The following SLC9A9 variants were observed in gnomAD, a reference collection of about 807,000 sequenced individuals.
SLC9A9 encodes the protein sodium/hydrogen exchanger 9.
A neutral mutation model predicts 77.8 loss-of-function variants in SLC9A9; 62 were observed. The observed-to-expected ratio is 0.80, with a 90% confidence interval of 0.65 to 0.98. The LOEUF is 0.98. SLC9A9 is among the 50% of genes least tolerant of loss of function. The pLI is 0.00. For missense variants in SLC9A9, 775 were observed against 774.9 expected, an observed-to-expected ratio of 1.00 and a Z score of 0.00; for synonymous variants, 320 against 283.5, an observed-to-expected ratio of 1.13 and a Z score of -1.29.
chr3:143,459,875 A>G (rs556801694), intron 12 of SLC9A9, among the ~76,000 whole-genome samples: 22 of 152,282 alleles, frequency 1.4e-4, no homozygotes, highest in Admixed American at 5.2e-4. Context: ...AAAAAAAAAT[A>G]CAATGGGAAT....
intron 5 of SLC9A9, among the ~76,000 whole-genome samples, chr3:143,668,179 T>C (rs532326817): frequency 3.3e-5 from 5 of 151,894 alleles, no homozygotes; most frequent in Admixed American, 2.6e-4. Context: ...ATGTCCTTTG[T>C]AGGGACATGG....
In SLC9A9 at chr3:143,718,133, T is replaced by A. The variant is rs566317247; in HGVS notation, c.534-24826A>T. Among the ~76,000 whole-genome samples the A allele has an allele frequency of 1.2e-3, 176 of 150,968 alleles. 1 individual carries two copies. The highest frequency in any genetic ancestry group is 3.5e-3 in the Middle Eastern group (1 of 288). ...AGTGCATCCCACCTAAGCCATTTCA[T>A]ACGAATTGGCACATTTATCAGTCTC... On this transcript the variant is annotated intron_variant, in intron 4 of 15. Coordinates refer to ENST00000316549, the MANE Select transcript of SLC9A9 (RefSeq NM_173653.4).
chr3:143,454,524 A>AT (rs1455651341), intron 12 of SLC9A9, among the ~76,000 whole-genome samples: 13 of 152,078 alleles, frequency 8.5e-5, no homozygotes, highest in Non-Finnish European at 1.6e-4. Flanking sequence ...GTCAAGGTTC[A>AT]TTTTTTGGCC....
At chr3:143,399,502 G>A (rs1288824252) in intron 12 of SLC9A9, among the ~76,000 whole-genome samples, 2 of 152,076 alleles carry the variant, frequency 1.3e-5, no homozygotes, top group Non-Finnish European at 2.9e-5. Flanking sequence ...AAAGAAAATT[G>A]GCAACAATAC....
At chr3:143,559,501 T>C (rs2037045275) in intron 8 of SLC9A9, among the ~76,000 whole-genome samples, 1 of 152,210 alleles carries the variant, frequency 6.6e-6, no homozygotes, top group Admixed American at 6.5e-5. Context: ...TGAAGGCCTG[T>C]CATTTTCCTA....
chr3:143,549,917 TA>T lies in SLC9A9; in HGVS notation c.1089+2444del, dbSNP rs1227587827. ...AGGGAAAGCTAGTAGTATTCAAAAT[TA>T]AAAGGATTCTGAAAGACTATATGTT... On this transcript the variant is annotated intron_variant, in intron 9 of 15. Transcript: ENST00000316549. Among the ~76,000 whole-genome samples the T allele has an allele frequency of 1.6e-4, 24 of 152,314 alleles. No individual in the cohort carries two copies. In the East Asian group the frequency reaches 4.6e-3, roughly 29 times the overall value.
intron 14 of SLC9A9, among the ~76,000 whole-genome samples, chr3:143,301,428 G>A (rs1006185158): frequency 9.2e-5 from 14 of 152,216 alleles, no homozygotes. Flanking sequence ...GCTGTGGCAT[G>A]AAGATTGGCC....
At chr3:143,648,028 T>C (rs188969644) in intron 6 of SLC9A9, among the ~76,000 whole-genome samples, 2 of 152,200 alleles carry the variant, frequency 1.3e-5, no homozygotes, top group African/African-American at 2.4e-5. Flanking sequence ...GAGATCTCTG[T>C]AAGTAGAATG....
chr3:143,281,663 T>C (rs1938224599), intron 14 of SLC9A9, among the ~76,000 whole-genome samples: 1 of 152,234 alleles, frequency 6.6e-6, no homozygotes, highest in African/African-American at 2.4e-5. Flanking sequence ...AACTGAGTGG[T>C]GGACTTTAGA....
At chr3:143,439,367 C>A (rs899390093) in intron 12 of SLC9A9, among the ~76,000 whole-genome samples, 1 of 152,206 alleles carries the variant, frequency 6.6e-6, no homozygotes, top group Admixed American at 6.5e-5. Context: ...TAGCCTTGAG[C>A]CCATGCTGCC....
rs901961139 is a variant in SLC9A9 at position 143,547,507 on chromosome 3, T to C, written c.1089+4855A>G. 1.2e-4 allele frequency among the ~76,000 whole-genome samples: 18 copies of C among 152,318 alleles called. No homozygotes were observed. The East Asian group carries it at 3.5e-3, about 29-fold the overall frequency. On this transcript the variant is annotated intron_variant, in intron 9 of 15. Coordinates refer to ENST00000316549, the MANE Select transcript of SLC9A9 (RefSeq NM_173653.4). Reference sequence around the variant, plus strand: ...TCTATTCTTCTAAAACGTACGTACATGCCTGTACTTAAAGGTCTCAAGTGT... The same window carrying C: ...TCTATTCTTCTAAAACGTACGTACACGCCTGTACTTAAAGGTCTCAAGTGT...
intron 13 of SLC9A9, among the ~76,000 whole-genome samples, chr3:143,376,458 T>C (rs1255600424): frequency 1.3e-5 from 2 of 152,208 alleles, no homozygotes; most frequent in African/African-American, 2.4e-5. Context: ...ATTTGTAAAA[T>C]GGGAGTGATA....
At chr3:143,676,757 C>CAAACA (rs774229026) in intron 5 of SLC9A9, among the ~76,000 whole-genome samples, 1 of 149,678 alleles carries the variant, frequency 6.7e-6, no homozygotes, top group Non-Finnish European at 1.5e-5. Context: ...CAAACAAAAA[C>CAAACA]AAACAAAACA....
chr3:143,344,892 T>A (rs1875460), intron 14 of SLC9A9, among the ~76,000 whole-genome samples: 29,620 of 152,154 alleles, frequency 0.19, 2,949 homozygotes, highest in South Asian at 0.24. Context: ...CTTTAAAAAC[T>A]TTCAACCAAA....
intron 14 of SLC9A9, among the ~76,000 whole-genome samples, chr3:143,327,422 C>A (rs146279808): frequency 6.6e-6 from 1 of 152,276 alleles, no homozygotes; most frequent in East Asian, 1.9e-4. Context: ...TAGCACATAC[C>A]ATATGGAACA....
chr3:143,615,819 G>T (rs560229210), intron 6 of SLC9A9, among the ~76,000 whole-genome samples: 3 of 152,128 alleles, frequency 2.0e-5, no homozygotes, highest in East Asian at 1.9e-4. Flanking sequence ...CTTCTCCAAG[G>T]CTGCACAGTG....
At chr3:143,635,393 A>T (rs923868287) in intron 6 of SLC9A9, among the ~76,000 whole-genome samples, 7 of 152,200 alleles carry the variant, frequency 4.6e-5, no homozygotes, top group Non-Finnish European at 7.3e-5. Flanking sequence ...ATTTCTGGAT[A>T]GGAGTGTCAA....
chr3:143,816,104 A>G (rs2009009059), intron 2 of SLC9A9, among the ~76,000 whole-genome samples: 2 of 152,226 alleles, frequency 1.3e-5, no homozygotes, highest in Non-Finnish European at 2.9e-5. Context: ...AGCCCCAGAA[A>G]TAATCAATGC....
rs73871643 is a variant in SLC9A9, at chr3:143,736,424, C to A, written c.534-43117G>T. 1.3e-3 allele frequency among the ~76,000 whole-genome samples: 193 copies of A among 152,264 alleles called. 1 individual carries two copies. Among genetic ancestry groups the A allele is most frequent in the African/African-American group, 4.3e-3 (180 of 41,548 alleles). ...TACTAAGCATCGGCTACATAGCAGT[C>A]ACTATTTTAGGGATTTGGATTCACA... On this transcript the variant is annotated intron_variant, in intron 4 of 15. Transcript: ENST00000316549.
Sources: gnomAD v4.1 joint callset for allele counts (sites outside exome capture counted in the v4.1 genomes callset) on GRCh38, gnomAD v4.1.1 for gene constraint, MANE v1.5 for transcripts, NCBI Gene and HGNC (gene_info 2026-07-23, HGNC 2026-07-21) for gene names.